The following ARHGEF38 variants were observed in gnomAD, a reference collection of about 807,000 sequenced individuals.
ARHGEF38 encodes Rho guanine nucleotide exchange factor 38.
Under a neutral mutation model 79.9 loss-of-function variants are expected in ARHGEF38, and 79 were observed. That is an observed-to-expected ratio of 0.99 (90% CI 0.82 to 1.19). The LOEUF (loss-of-function observed/expected upper bound fraction) is 1.19. ARHGEF38 is among the 50% of genes most tolerant of loss of function. The pLI is 0.00. For missense variants in ARHGEF38, 962 were observed against 907.2 expected (o/e 1.06, Z -0.78); for synonymous variants, 366 against 328.3 (o/e 1.11, Z -1.24).
At chr4:105,588,621 C>T (rs547809766) in intron 1 of ARHGEF38, among the ~76,000 whole-genome samples, 19 of 152,192 alleles carry the variant, frequency 1.2e-4, no homozygotes, top group African/African-American at 3.6e-4. Flanking sequence ...ACTTTCTGTT[C>T]GACAGTTCAA....
rs572992830 is a variant in ARHGEF38 at position 105,597,735 on chromosome 4, A to G, written c.384+8300A>G. ...TTCTACCCCACAACATCAAAATCCA[A>G]TGCACACATTCTATTGTTTTGCAGG... is the stretch of plus-strand genomic sequence containing the variant. On this transcript the variant is annotated intron_variant, in intron 2 of 13. Transcript: ENST00000420470. 2.0e-5 allele frequency among the ~76,000 whole-genome samples: 3 copies of G among 152,282 alleles called. No individual in the cohort carries two copies. The South Asian group carries it at 6.2e-4, about 32-fold the overall frequency.
rs533175469 is a variant in ARHGEF38 at position 105,631,207 on chromosome 4, G to A, written c.656+162G>A. 5 of 1,267,316 alleles carry A rather than the reference G, an allele frequency of 3.9e-6. No homozygotes were observed. In the East Asian group the frequency reaches 9.3e-5, roughly 24 times the overall value. 78.5% of individuals were successfully genotyped at this position (1,267,316 alleles called of 1,614,324 possible). A position where few individuals can be genotyped will look rare whatever the true frequency, so the allele number is the denominator to read the frequency against. On this transcript the variant is annotated intron_variant, in intron 4 of 13. Transcript: ENST00000420470. ...TTTATAAAAAGCTGACATGCCAGAA[G>A]CCCTGATTGACTTTTTTTCCCCCTG...
intron 13 of ARHGEF38, among the ~76,000 whole-genome samples, chr4:105,674,722 A>G (rs1731061576): frequency 6.6e-6 from 1 of 152,142 alleles, no homozygotes; most frequent in Non-Finnish European, 1.5e-5. Flanking sequence ...AAGCATTGAA[A>G]GTATATAATT....
At chr4:105,590,606 A>G (rs1727291016) in intron 2 of ARHGEF38, among the ~76,000 whole-genome samples, 2 of 152,172 alleles carry the variant, frequency 1.3e-5, no homozygotes, top group Non-Finnish European at 2.9e-5. Flanking sequence ...TCTGTCTACT[A>G]TTACAGTGGT....
intron 1 of ARHGEF38, among the ~76,000 whole-genome samples, chr4:105,587,263 G>A (rs118154147): frequency 1.3e-5 from 2 of 152,112 alleles, no homozygotes; most frequent in African/African-American, 4.8e-5. Flanking sequence ...AGCTGCAATT[G>A]CACCACTGCA....
chr4:105,599,781 T>C (rs908113747), intron 2 of ARHGEF38, among the ~76,000 whole-genome samples: 5 of 152,182 alleles, frequency 3.3e-5, no homozygotes, highest in African/African-American at 1.2e-4. Flanking sequence ...TATGCACTTA[T>C]GTAAGGCACT....
At chr4:105,595,617 G>A (rs761437308) in intron 2 of ARHGEF38, among the ~76,000 whole-genome samples, 2 of 151,828 alleles carry the variant, frequency 1.3e-5, no homozygotes, top group Non-Finnish European at 1.5e-5. Flanking sequence ...CAGTATCTAC[G>A]GGGCACTGGC....
At chr4:105,557,264 A>T (rs1461513139) in intron 1 of ARHGEF38, among the ~76,000 whole-genome samples, 1 of 152,164 alleles carries the variant, frequency 6.6e-6, no homozygotes, top group African/African-American at 2.4e-5. Flanking sequence ...GTAGATATAG[A>T]TATACATGTA....
At chr4:105,596,552 T>C (rs1434760692) in intron 2 of ARHGEF38, among the ~76,000 whole-genome samples, 2 of 152,174 alleles carry the variant, frequency 1.3e-5, no homozygotes, top group African/African-American at 4.8e-5. Flanking sequence ...AAGACCATAA[T>C]ACAATGAAAA....
At chr4:105,611,655 A>G (rs1220013801) in intron 2 of ARHGEF38, among the ~76,000 whole-genome samples, 1 of 152,028 alleles carries the variant, frequency 6.6e-6, no homozygotes, top group Non-Finnish European at 1.5e-5. Context: ...GAAATTGAAA[A>G]TCTTGAACCT....
At position 105,656,681 on chromosome 4, in the gene ARHGEF38, T is replaced by A. The variant is rs143954930; in HGVS notation, c.1233+959T>A. 3.3e-3 allele frequency among the ~76,000 whole-genome samples: 502 copies of A among 152,300 alleles called. 6 individuals carry two copies. Among genetic ancestry groups the A allele is most frequent in the East Asian group, 0.02 (102 of 5,180 alleles). ...CATCTTGAAAGTGGCATTTTCGTGTTGGCATTATAGGCATTTTGGGTAAGA... is the reference window on the plus strand; with the variant it reads ...CATCTTGAAAGTGGCATTTTCGTGTAGGCATTATAGGCATTTTGGGTAAGA... On this transcript the variant is annotated intron_variant, in intron 9 of 13. Coordinates refer to ENST00000420470, the MANE Select transcript of ARHGEF38 (RefSeq NM_001242729.2).
At chr4:105,581,204 C>T (rs1028269058) in intron 1 of ARHGEF38, among the ~76,000 whole-genome samples, 4 of 152,122 alleles carry the variant, frequency 2.6e-5, no homozygotes, top group Admixed American at 6.5e-5. Flanking sequence ...CCTCTCAATG[C>T]CTTTTCTTTG....
chr4:105,567,595 G>A (rs1161780349), intron 1 of ARHGEF38, among the ~76,000 whole-genome samples: 1 of 152,040 alleles, frequency 6.6e-6, no homozygotes, highest in South Asian at 2.1e-4. Flanking sequence ...GTGTATTTAA[G>A]GGAGATAATG....
chr4:105,674,007 A>G (rs1437335710), intron 13 of ARHGEF38, among the ~76,000 whole-genome samples: 2 of 152,178 alleles, frequency 1.3e-5, no homozygotes, highest in African/African-American at 2.4e-5. Flanking sequence ...AGATTAACAT[A>G]TATTATGACT....
intron 3 of ARHGEF38, among the ~76,000 whole-genome samples, chr4:105,627,067 G>A (rs931398870): frequency 1.3e-5 from 2 of 152,110 alleles, no homozygotes; most frequent in African/African-American, 4.8e-5. Flanking sequence ...TATGGTAAAC[G>A]GAAGTTCAGT....
In ARHGEF38 at chr4:105,569,580, C is replaced by A. The variant is rs531424138; in HGVS notation, c.196+16619C>A. On this transcript the variant is annotated intron_variant, in intron 1 of 13. Transcript: ENST00000420470. Reference sequence around the variant, plus strand: ...TTTGAGAGGTTTCTGGTATGTCAGACATTGAATTAAGCAATTTTCATGCTT... The same window carrying A: ...TTTGAGAGGTTTCTGGTATGTCAGAAATTGAATTAAGCAATTTTCATGCTT... Among the ~76,000 whole-genome samples the A allele has an allele frequency of 1.1e-3, 174 of 152,306 alleles. 2 individuals are homozygous for A. The South Asian group carries it at 0.036, about 31-fold the overall frequency.
chr4:105,585,725 G>GTTTTTTTTTTTTT (rs1491390111), intron 1 of ARHGEF38, among the ~76,000 whole-genome samples: 3 of 14,438 alleles, frequency 2.1e-4, no homozygotes, highest in Non-Finnish European at 3.8e-4. Flanking sequence ...CCCCTCCGTT[G>GTTTTTTTTTTTTT]CTTTTTTTTT....
At chr4:105,576,300 G>A (rs1230612833) in intron 1 of ARHGEF38, among the ~76,000 whole-genome samples, 4 of 151,662 alleles carry the variant, frequency 2.6e-5, no homozygotes, top group African/African-American at 9.7e-5. Context: ...GTTTCTGTTT[G>A]TTTGTGTCAT....
intron 11 of ARHGEF38, among the ~76,000 whole-genome samples, 167 bp from the exon 12 acceptor site, chr4:105,666,962 T>C (rs1730773100): frequency 6.6e-6 from 1 of 152,172 alleles, no homozygotes; most frequent in Non-Finnish European, 1.5e-5. Flanking sequence ...ATAACTCAGC[T>C]GGGTACTTTA....
Sources: allele counts gnomAD v4.1 joint callset (sites outside exome capture counted in the v4.1 genomes callset), GRCh38; gene constraint gnomAD v4.1.1; transcripts MANE v1.5; gene names NCBI Gene and HGNC (gene_info 2026-07-23, HGNC 2026-07-21).